The following OR7D4 variants were observed in gnomAD, a reference collection of about 807,000 sequenced individuals.
OR7D4 encodes olfactory receptor family 7 subfamily D member 4.
For missense variants in OR7D4, 319 were observed against 377.1 expected (o/e 0.85, Z 1.27); for synonymous variants, 154 against 158.4 (o/e 0.97, Z 0.21).
intron 1 of OR7D4, among the ~76,000 whole-genome samples, chr19:9,216,027 G>C (rs1041203411): frequency 6.6e-6 from 1 of 152,158 alleles, no homozygotes; most frequent in African/African-American, 2.4e-5. Flanking sequence ...GGCAGGCAAA[G>C]AGAGAAAGCT....
rs527675321 is a variant in OR7D4 at position 9,213,092 on chromosome 19, T to C, written c.*807A>G. The C allele has an allele frequency of 4.6e-5, 7 of 152,326 alleles. 1 individual carries two copies. In the Middle Eastern group the frequency reaches 0.024, roughly 518 times the overall value. The allele number at this position is 152,326 out of a possible 1,614,324, so 9.4% of individuals were successfully genotyped here. On this transcript the variant is annotated 3_prime_UTR_variant, in exon 2 of 2. Transcript: ENST00000641669. Reference sequence around the variant, plus strand: ...TCAGGATTGAATAACATCAGACATGTAAAGCAACAAGCACTGTCCTGATAT... The same window carrying C: ...TCAGGATTGAATAACATCAGACATGCAAAGCAACAAGCACTGTCCTGATAT...
At chr19:9,218,733 A>G (rs1246556965) in intron 1 of OR7D4, among the ~76,000 whole-genome samples, 1 of 152,086 alleles carries the variant, frequency 6.6e-6, no homozygotes, top group Non-Finnish European at 1.5e-5. Flanking sequence ...GGTTCAAGCA[A>G]TTATCCCATC....
At chr19:9,216,751 C>G (rs533812252) in intron 1 of OR7D4, among the ~76,000 whole-genome samples, 9 of 152,104 alleles carry the variant, frequency 5.9e-5, no homozygotes, top group Non-Finnish European at 1.3e-4. Context: ...ACCACCATGC[C>G]CAGCTAATTT....
Position 9,214,397 on chromosome 19 carries a change from T to C in OR7D4, c.441A>G (p.Ala147=), listed in dbSNP as rs182840707. 1 of 1,614,080 alleles carries C rather than the reference T, an allele frequency of 6.2e-7. No individual in the cohort carries two copies. Among genetic ancestry groups the C allele is most frequent in the South Asian group, 1.1e-5 (1 of 91,068 alleles). The change falls in exon 2 of 2, where the codon GCA becomes GCG. Residue 147 remains alanine (A), a synonymous_variant. Transcript: ENST00000641669. ...NPCLCGLLVL[A]SWFIIFWFSL... The stretch of plus-strand genomic sequence containing the variant: ...AGAACCAGAAAATGATGAACCAAGA[T>C]GCCAGAACCAGGAGGCCACAGAGGC...
rs2051187729 is a variant in OR7D4, at chr19:9,213,782, C to A, written c.*117G>T. 3 of 724,530 alleles carry A rather than the reference C, an allele frequency of 4.1e-6. No homozygotes were observed. The highest frequency in any genetic ancestry group is 5.6e-5 in the Admixed American group (2 of 35,598). 44.9% of individuals were successfully genotyped at this position (724,530 alleles called of 1,614,324 possible). On this transcript the variant is annotated 3_prime_UTR_variant, in exon 2 of 2. Transcript: ENST00000641669. ...ACAACAAACAACCCAATAACAACAA[C>A]CAAAAATCCCACATCAAGCACATTT...
chr19:9,217,379 A>T (rs1026228406), intron 1 of OR7D4, among the ~76,000 whole-genome samples: 3 of 152,362 alleles, frequency 2.0e-5, no homozygotes, highest in South Asian at 2.1e-4. Context: ...ATTTTTCATG[A>T]TGGAAAAAAG....
rs200599765 is a variant in OR7D4, at chr19:9,214,676, G to A, written c.162C>T (p.His54=). ...LIILAVSSDS[H]LHTPMYFFLS... is the part of the protein sequence containing the mutation. ...GGAAGAAGTACATGGGGGTGTGGAG[G>A]TGGGAGTCAGAGCTGACGGCCAGAA... Residue 54 remains histidine, a synonymous_variant, in exon 2 of 2, where the codon CAC becomes CAT. Coordinates refer to ENST00000641669, the MANE Select transcript of OR7D4 (RefSeq NM_001005191.3). The A allele has an allele frequency of 1.2e-6, 2 of 1,614,160 alleles. No homozygotes were observed. Among genetic ancestry groups the A allele is most frequent in the African/African-American group, 1.3e-5 (1 of 75,042 alleles).
Position 9,213,920 on chromosome 19 carries a change from G to T in OR7D4, c.918C>A (p.Ser306Arg), listed in dbSNP as rs2051188962. 6.2e-7 allele frequency: 1 copy of T among 1,613,770 alleles called. No homozygotes were observed. Among genetic ancestry groups the T allele is most frequent in the South Asian group, 1.1e-5 (1 of 91,070 alleles). ...DVKGALERLL[S>R]RADSCP ...TTTGTCATGGACAAGAGTCGGCCCT[G>T]CTGAGGAGTCTTTCCAGGGCCCCCT... is the stretch of plus-strand genomic sequence containing the variant. The change falls in exon 2 of 2, where the codon AGC (serine) becomes AGA (arginine). Residue 306 changes from serine (S) to arginine (R), a missense_variant. Coordinates refer to ENST00000641669, the MANE Select transcript of OR7D4 (RefSeq NM_001005191.3).
At chr19:9,219,010 A>G (rs2051237467) in intron 1 of OR7D4, among the ~76,000 whole-genome samples, 190 bp downstream of exon 1, 1 of 152,170 alleles carries the variant, frequency 6.6e-6, no homozygotes, top group East Asian at 1.9e-4. Context: ...TCTATATGAT[A>G]TCATGGATAC....
chr19:9,214,010 C>G lies in OR7D4; in HGVS notation c.828G>C (p.Val276=). The G allele has an allele frequency of 6.2e-7, 1 of 1,614,054 alleles. No individual in the cohort carries two copies. The highest frequency in any genetic ancestry group is 8.5e-7 in the Non-Finnish European group (1 of 1,179,988). ...GCATGGGGGTGACCATGGCGTACAT[C>G]ACTGAGGCGGTGGAGCTGCTCTGGG... ...HSSQSSSTAS[V]MYAMVTPMLN... The change falls in exon 2 of 2, where the codon GTG becomes GTC. Residue 276 remains valine (V), a synonymous_variant. Transcript: ENST00000641669.
Position 9,213,642 on chromosome 19 carries a change from G to A in OR7D4, c.*257C>T, listed in dbSNP as rs2051186866. Reference sequence around the variant, plus strand: ...AATCTCAGCTACTTGAGAGGCTGAGGCAGGAGAACCGCTTCAACCTGGGAG... The same window carrying A: ...AATCTCAGCTACTTGAGAGGCTGAGACAGGAGAACCGCTTCAACCTGGGAG... On this transcript the variant is annotated 3_prime_UTR_variant, in exon 2 of 2. Coordinates refer to ENST00000641669, the MANE Select transcript of OR7D4 (RefSeq NM_001005191.3). 2.4e-6 allele frequency: 1 copy of A among 419,748 alleles called. No homozygotes were observed. The highest frequency in any genetic ancestry group is 4.4e-6 in the Non-Finnish European group (1 of 229,194). 26.0% of individuals were successfully genotyped at this position (419,748 alleles called of 1,614,324 possible).
intron 1 of OR7D4, among the ~76,000 whole-genome samples, chr19:9,216,053 C>A (rs1599223264): frequency 6.6e-6 from 1 of 152,052 alleles, no homozygotes; most frequent in African/African-American, 2.4e-5. Context: ...AAGGAAACTC[C>A]CCCTTATAGA....
In OR7D4 at chr19:9,211,001, A is replaced by G. The variant is rs1292620012; in HGVS notation, c.*2898T>C. On this transcript the variant is annotated 3_prime_UTR_variant, in exon 2 of 2. Coordinates refer to ENST00000641669, the MANE Select transcript of OR7D4 (RefSeq NM_001005191.3). ...CAGCATGGAATTTTTCTGACAGTAC[A>G]ATGTCTTGAATGGTGAGGAACTCTA... The G allele has an allele frequency of 2.0e-5, 3 of 152,246 alleles. No homozygotes were observed. The highest frequency in any genetic ancestry group is 2.9e-5 in the Non-Finnish European group (2 of 68,062). 9.4% of individuals were successfully genotyped at this position (152,246 alleles called of 1,614,324 possible).
chr19:9,214,554 A>C lies in OR7D4; in HGVS notation c.284T>G (p.Met95Arg), dbSNP rs535856948. 6.2e-7 allele frequency: 1 copy of C among 1,614,046 alleles called. No homozygotes were observed. The highest frequency in any genetic ancestry group is 1.3e-5 in the African/African-American group (1 of 74,920). The change falls in exon 2 of 2, where the codon ATG (methionine) becomes AGG (arginine). Residue 95 changes from methionine (M) to arginine (R), a missense_variant. Transcript: ENST00000641669. ...IQARSKDISY[M>R]GCLTQVYFLM... is the part of the protein sequence containing the mutation. ...AAAATACACCTGAGTGAGGCACCCCATGTAGGAGATGTCTTTGCTCCGTGC... is the reference window on the plus strand; with the variant it reads ...AAAATACACCTGAGTGAGGCACCCCCTGTAGGAGATGTCTTTGCTCCGTGC...
In OR7D4 at chr19:9,213,758, CAACA is replaced by C; in HGVS notation, c.*137_*140del. The C allele has an allele frequency of 4.6e-6, 3 of 647,200 alleles. No individual in the cohort carries two copies. Among genetic ancestry groups the C allele is most frequent in the Non-Finnish European group, 5.3e-6 (2 of 376,302 alleles). 40.1% of individuals were successfully genotyped at this position (647,200 alleles called of 1,614,324 possible). A position where few individuals can be genotyped will look rare whatever the true frequency, so the allele number is the denominator to read the frequency against. ...GTCTCAAAAACAATAACAATAACAA[CAACA>C]AACAACCCAATAACAACAACCAAAA... On this transcript the variant is annotated 3_prime_UTR_variant, in exon 2 of 2. Coordinates refer to ENST00000641669, the MANE Select transcript of OR7D4 (RefSeq NM_001005191.3).
At chr19:9,215,361 A>C (rs111563910) in intron 1 of OR7D4, among the ~76,000 whole-genome samples, 42,465 of 147,478 alleles carry the variant, frequency 0.29, 11,901 homozygotes, top group African/African-American at 0.74. Context: ...AAAAAAAAAA[A>C]AAAACCTCTT....
rs566378882 is a variant in OR7D4, at chr19:9,215,553, AAAC to A, written c.-13-706_-13-704del. On this transcript the variant is annotated intron_variant, in intron 1 of 1. Transcript: ENST00000641669. The stretch of plus-strand genomic sequence containing the variant: ...TTATTAAGTTGTGGATTTTCAACCC[AAAC>A]AACCTTTATTCTGTGACCCAGTGCT... Among the ~76,000 whole-genome samples, 408 of 152,216 alleles carry A rather than the reference AAAC, an allele frequency of 2.7e-3. 1 individual carries two copies. Among genetic ancestry groups the A allele is most frequent in the African/African-American group, 9.4e-3 (391 of 41,546 alleles).
chr19:9,218,285 CTT>C (rs1011402575), intron 1 of OR7D4, among the ~76,000 whole-genome samples: 2 of 152,138 alleles, frequency 1.3e-5, no homozygotes, highest in African/African-American at 4.8e-5. Context: ...ATTCATATCT[CTT>C]TTAAAATAAT....
In OR7D4 at chr19:9,214,344, C is replaced by T. The variant is rs772976378; in HGVS notation, c.494G>A (p.Arg165Lys). Residue 165 changes from arginine (R) to lysine (K), a missense_variant, in exon 2 of 2, where the codon AGG becomes AAG. Arg to Lys is a conservative substitution (Grantham distance 26, BLOSUM62 2). Transcript: ENST00000641669. ...CTCAGTGCCTGTGGAGAAGGTCAAC[C>T]TCTTCATCAGTAGAATATGAACCAG... is the stretch of plus-strand genomic sequence containing the variant. ...FSLVHILLMK[R>K]LTFSTGTEIP... The T allele has an allele frequency of 1.1e-5, 17 of 1,613,930 alleles. No homozygotes were observed. The highest frequency in any genetic ancestry group is 1.3e-5 in the African/African-American group (1 of 74,894).
Sources: allele counts gnomAD v4.1 joint callset (sites outside exome capture counted in the v4.1 genomes callset), GRCh38; gene constraint gnomAD v4.1.1; transcripts MANE v1.5; gene names NCBI Gene and HGNC (gene_info 2026-07-23, HGNC 2026-07-21).